The following ST6GALNAC2 variants were observed in gnomAD, a reference collection of about 807,000 sequenced individuals.
ST6GALNAC2 encodes the protein ST6 N-acetylgalactosaminide alpha-2,6-sialyltransferase 2, also known as alpha-N-acetylgalactosaminide alpha-2,6-sialyltransferase 2.
ST6GALNAC2 carries 42 observed loss-of-function variants against 38.7 expected under a neutral mutation model. The observed-to-expected ratio is 1.09, with a 90% CI of 0.85 to 1.40. The LOEUF is 1.40. Among genes scored for constraint, ST6GALNAC2 ranks in the 40% most tolerant of loss-of-function variants. ST6GALNAC2 has a pLI of 0.00. For synonymous variants in ST6GALNAC2, 233 were observed against 209.0 expected (o/e 1.11, Z -0.99); for missense variants, 506 against 481.7 (o/e 1.05, Z -0.47).
intron 1 of ST6GALNAC2, among the ~76,000 whole-genome samples, chr17:76,579,628 CT>C (rs1432667635): frequency 6.6e-6 from 1 of 152,224 alleles, no homozygotes; most frequent in Non-Finnish European, 1.5e-5. Context: ...GAGATGAGAC[CT>C]TTAAGAGGTG....
At position 76,573,462 on chromosome 17, in the gene ST6GALNAC2, C is replaced by G. The variant is rs2143301748; in HGVS notation, c.362-99G>C. 8.3e-7 allele frequency: 1 copy of G among 1,205,316 alleles called. No homozygotes were observed. Among genetic ancestry groups the G allele is most frequent in the Non-Finnish European group, 1.1e-6 (1 of 898,896 alleles). The allele number at this position is 1,205,316 out of a possible 1,614,324, so 74.7% of individuals were successfully genotyped here. A position where few individuals can be genotyped will look rare whatever the true frequency, so the allele number is the denominator to read the frequency against. On this transcript the variant is annotated intron_variant, in intron 3 of 8. Coordinates refer to ENST00000225276, the MANE Select transcript of ST6GALNAC2 (RefSeq NM_006456.3). This position sits in a 1 kb window ranked among gnomAD's most constrained non-coding sequence, Gnocchi z 5.1. ...TCTGGTGCCCCATCTCCCCTGAGGCCTGACCCTAGCCCCTCCCAAGAAGCA... is the reference window on the plus strand; with the variant it reads ...TCTGGTGCCCCATCTCCCCTGAGGCGTGACCCTAGCCCCTCCCAAGAAGCA...
chr17:76,584,612 G>A (rs1310126009), intron 1 of ST6GALNAC2, among the ~76,000 whole-genome samples: 1 of 152,170 alleles, frequency 6.6e-6, no homozygotes, highest in Non-Finnish European at 1.5e-5. Flanking sequence ...AGAGTGCTGG[G>A]ACTACAGGCG....
At position 76,574,381 on chromosome 17, in the gene ST6GALNAC2, C is replaced by T; in HGVS notation, c.345G>A (p.Arg115=). 1 of 1,612,854 alleles carries T rather than the reference C, an allele frequency of 6.2e-7. No individual in the cohort carries two copies. Among genetic ancestry groups the T allele is most frequent in the Non-Finnish European group, 8.5e-7 (1 of 1,179,378 alleles). ...LSQHKAPYGW[R]GLSHQVIAST... The stretch of plus-strand genomic sequence containing the variant: ...GCGGGTTACCTTGGTGAGAGAGCCC[C>T]CGCCAGCCATACGGGGCTTTGTGTT... Residue 115 remains arginine (R), a synonymous_variant, in exon 3 of 9, where the codon CGG becomes CGA. Coordinates refer to ENST00000225276, the MANE Select transcript of ST6GALNAC2 (RefSeq NM_006456.3).
Position 76,573,159 on chromosome 17 carries a change from T to TCCCAC in ST6GALNAC2, c.530+35_530+36insGTGGG. ...GACACCCCCACCCTCCAGGCAACTC[T>TCCCAC]CCCTCCCGCCCCTCCCCAGCTCCTA... is the stretch of plus-strand genomic sequence containing the variant. On this transcript the variant is annotated intron_variant, in intron 4 of 8. Coordinates refer to ENST00000225276, the MANE Select transcript of ST6GALNAC2 (RefSeq NM_006456.3). The surrounding 1 kb of genome is among the most constrained non-coding windows in gnomAD (Gnocchi z 5.1). 4 of 1,530,320 alleles carry TCCCAC rather than the reference T, an allele frequency of 2.6e-6. No individual in the cohort carries two copies. Among genetic ancestry groups the TCCCAC allele is most frequent in the Non-Finnish European group, 3.6e-6 (4 of 1,120,828 alleles). 94.8% of individuals were successfully genotyped at this position (1,530,320 alleles called of 1,614,324 possible).
chr17:76,583,590 T>G (rs1051046551), intron 1 of ST6GALNAC2, among the ~76,000 whole-genome samples: 5 of 128,976 alleles, frequency 3.9e-5, no homozygotes, highest in Non-Finnish European at 8.0e-5. Context: ...AGGAACCACA[T>G]TTGGTGAAGG....
chr17:76,567,685 C>T (rs2075302130), intron 7 of ST6GALNAC2, 133 bp from the exon 8 acceptor site: 2 of 605,104 alleles, frequency 3.3e-6, no homozygotes, highest in Non-Finnish European at 5.9e-6. Flanking sequence ...TTATTCGGTC[C>T]AAGTGGACTA....
intron 2 of ST6GALNAC2, among the ~76,000 whole-genome samples, chr17:76,576,844 C>G (rs540798325): frequency 1.5e-3 from 228 of 151,722 alleles, no homozygotes; most frequent in South Asian, 6.9e-3. Context: ...GTGGCACATC[C>G]CTGTAATTCC....
chr17:76,572,731 G>A lies in ST6GALNAC2; in HGVS notation c.575C>T (p.Thr192Ile), dbSNP rs139444908. ...VIKGFERDVGTKTSFYGFTVN... is the reference protein window; with the variant it reads ...VIKGFERDVGIKTSFYGFTVN... ...AGTGAAACCATAGAAGGAAGTCTTG[G>A]TGCCCACATCGCGCTCGAAGCCTTT... The change falls in exon 5 of 9, where the codon ACC (threonine) becomes ATC (isoleucine). Residue 192 changes from threonine (T) to isoleucine (I), a missense_variant. Transcript: ENST00000225276. The A allele has an allele frequency of 1.2e-4, 191 of 1,614,046 alleles. No individual in the cohort carries two copies. Among genetic ancestry groups the A allele is most frequent in the Non-Finnish European group, 1.3e-4 (158 of 1,180,036 alleles).
chr17:76,570,692 C>G, intron 5 of ST6GALNAC2, 24 bp from the exon 6 acceptor site: 2 of 1,573,316 alleles, frequency 1.3e-6, no homozygotes, highest in Non-Finnish European at 1.7e-6. Context: ...GACAATGAGC[C>G]CAGAGGGGAA....
At position 76,565,551 on chromosome 17, in the gene ST6GALNAC2, TTA is replaced by T. The variant is rs1481807695; in HGVS notation, c.*551_*552del. ...ATCTCCATGCTAAACAGCCTGCGTT[TTA>T]TATGATTTCTCTACCCAGCCAAAAA... On this transcript the variant is annotated 3_prime_UTR_variant, in exon 9 of 9. Transcript: ENST00000225276. 1 of 148,428 alleles carries T rather than the reference TTA, an allele frequency of 6.7e-6. No homozygotes were observed. The highest frequency in any genetic ancestry group is 1.5e-5 in the Non-Finnish European group (1 of 67,114). 9.2% of individuals were successfully genotyped at this position (148,428 alleles called of 1,614,324 possible).
intron 1 of ST6GALNAC2, among the ~76,000 whole-genome samples, chr17:76,584,577 A>G (rs2075521082): frequency 6.6e-6 from 1 of 152,094 alleles, no homozygotes; most frequent in South Asian, 2.1e-4. Context: ...CCTGGCCTCA[A>G]GCTATCCTCC....
intron 8 of ST6GALNAC2, among the ~76,000 whole-genome samples, chr17:76,567,208 G>A (rs1458508558): frequency 6.6e-6 from 1 of 152,148 alleles, no homozygotes; most frequent in Non-Finnish European, 1.5e-5. Context: ...GCAGGTGTCA[G>A]GAGCCAAGGC....
At chr17:76,576,753 C>T (rs756637015) in intron 2 of ST6GALNAC2, among the ~76,000 whole-genome samples, 7 of 152,056 alleles carry the variant, frequency 4.6e-5, no homozygotes, top group Non-Finnish European at 8.8e-5. Flanking sequence ...GGTGGATCAC[C>T]TAAGTTCAGG....
intron 7 of ST6GALNAC2, 200 bp downstream of exon 7, chr17:76,568,513 C>T (rs1465580599): frequency 3.3e-6 from 2 of 604,458 alleles, no homozygotes; most frequent in African/African-American, 1.9e-5. Context: ...TGGTGACTGA[C>T]ATATATCACC....
At position 76,573,266 on chromosome 17, in the gene ST6GALNAC2, C is replaced by T. The variant is rs150423628; in HGVS notation, c.459G>A (p.Val153=). The change falls in exon 4 of 9, where the codon GTG becomes GTA. Residue 153 remains valine (V), a synonymous_variant. Transcript: ENST00000225276. The surrounding 1 kb of genome is among the most constrained non-coding windows in gnomAD (Gnocchi z 5.1). ...CATTCAGAATGCCTCCGTTGCCCAC[C>T]ACGGCACACCGGATACACTTTGGAG... ...DTPPKCIRCA[V]VGNGGILNGS... is the part of the protein sequence containing the mutation. The T allele has an allele frequency of 6.2e-7, 1 of 1,612,274 alleles. No homozygotes were observed. The highest frequency in any genetic ancestry group is 1.7e-5 in the Admixed American group (1 of 59,800).
chr17:76,580,208 C>T (rs1452240405), intron 1 of ST6GALNAC2, among the ~76,000 whole-genome samples: 4 of 152,170 alleles, frequency 2.6e-5, no homozygotes, highest in African/African-American at 9.7e-5. Flanking sequence ...ATCACGAGGT[C>T]AGGAGTTCGA....
chr17:76,583,157 C>T (rs537848778), intron 1 of ST6GALNAC2, among the ~76,000 whole-genome samples: 1 of 152,080 alleles, frequency 6.6e-6, no homozygotes, highest in African/African-American at 2.4e-5. Flanking sequence ...GGACGGATCA[C>T]GAGGTCAGGA....
chr17:76,574,239 G>T, intron 3 of ST6GALNAC2, 126 bp downstream of exon 3: 1 of 1,131,294 alleles, frequency 8.8e-7, no homozygotes, highest in Non-Finnish European at 1.2e-6. Flanking sequence ...GCTTCTGGGA[G>T]GAGAGAGGGG....
rs745795808 is a variant in ST6GALNAC2 at position 76,573,269 on chromosome 17, G to A, written c.456C>T (p.Ala152=). Residue 152 remains alanine (A), a synonymous_variant, in exon 4 of 9, where the codon GCC becomes GCT. Coordinates refer to ENST00000225276, the MANE Select transcript of ST6GALNAC2 (RefSeq NM_006456.3). This position sits in a 1 kb window ranked among gnomAD's most constrained non-coding sequence, Gnocchi z 5.1. ...RDTPPKCIRC[A]VVGNGGILNG... ...TCAGAATGCCTCCGTTGCCCACCAC[G>A]GCACACCGGATACACTTTGGAGGGG... The A allele has an allele frequency of 2.9e-5, 46 of 1,611,812 alleles. No individual in the cohort carries two copies. The highest frequency in any genetic ancestry group is 3.4e-5 in the Non-Finnish European group (40 of 1,179,144).
Sources: allele counts gnomAD v4.1 joint callset (sites outside exome capture counted in the v4.1 genomes callset), GRCh38; gene constraint gnomAD v4.1.1; non-coding constraint Gnocchi (gnomAD v3.1); transcripts MANE v1.5; gene names NCBI Gene and HGNC (gene_info 2026-07-23, HGNC 2026-07-21).